Variants in RABL6 observed in about 807,000 individuals in gnomAD.
RABL6 encodes RAB, member RAS oncogene family like 6, also known as rab-like protein 6.
In RABL6, 28 loss-of-function variants were observed where a neutral mutation model predicts 72.9. The observed-to-expected ratio is 0.38, with a 90% CI of 0.28 to 0.53. The LOEUF (loss-of-function observed/expected upper bound fraction) is 0.53, where lower values mean the gene tolerates loss of function less well. Ranked by LOEUF, RABL6 falls within the 20% of genes least tolerant of loss-of-function variation. The pLI is 0.80. For missense variants in RABL6, 1,029 were observed against 1,008.4 expected (o/e 1.02, Z -0.28); for synonymous variants, 477 against 421.2 (o/e 1.13, Z -1.62).
At chr9:136,822,756 G>A (rs1025862501) in intron 1 of RABL6, among the ~76,000 whole-genome samples, 2 of 152,206 alleles carry the variant, frequency 1.3e-5, no homozygotes, top group Non-Finnish European at 2.9e-5. Flanking sequence ...CGCGTTGTGC[G>A]TGAGCTGGGA....
chr9:136,840,197 G>T lies in RABL6; in HGVS notation c.1974G>T (p.Lys658Asn). 6.2e-7 allele frequency: 1 copy of T among 1,612,698 alleles called. No individual in the cohort carries two copies. Among genetic ancestry groups the T allele is most frequent in the Non-Finnish European group, 8.5e-7 (1 of 1,179,760 alleles). ...KTPSKEKKKK[K>N]KKGKEEEEKA... ...CCTCTAAGGAGAAGAAGAAGAAGAAGAAAAAAGGCAAAGAGGTACTGGCTA... is the reference window on the plus strand; with the variant it reads ...CCTCTAAGGAGAAGAAGAAGAAGAATAAAAAAGGCAAAGAGGTACTGGCTA... Residue 658 changes from lysine (K) to asparagine (N), a missense_variant, in exon 14 of 15, where the codon AAG becomes AAT. Transcript: ENST00000311502.
In RABL6 at chr9:136,815,349, A is replaced by G. The variant is rs1189079739; in HGVS notation, c.130+7023A>G. 3 of 269,424 alleles carry G rather than the reference A, an allele frequency of 1.1e-5. No homozygotes were observed. In the Admixed American group the frequency reaches 1.2e-4, roughly 11 times the overall value. 16.7% of individuals were successfully genotyped at this position (269,424 alleles called of 1,614,324 possible). A position where few individuals can be genotyped will look rare whatever the true frequency, so the allele number is the denominator to read the frequency against. On this transcript the variant is annotated intron_variant, in intron 1 of 14. Transcript: ENST00000311502. ...AGCCTTTTTTGTTCGGGAAACTGTC[A>G]CCTTCTTGGCTGGGGTTGCAGCAGC...
chr9:136,825,556 G>A (rs1848337486), intron 2 of RABL6, among the ~76,000 whole-genome samples: 1 of 152,198 alleles, frequency 6.6e-6, no homozygotes, highest in Non-Finnish European at 1.5e-5. Flanking sequence ...TGCGGAGGGA[G>A]ATACCGTGCA....
intron 1 of RABL6, among the ~76,000 whole-genome samples, chr9:136,810,347 C>G (rs117131558): frequency 1.4e-3 from 212 of 152,252 alleles, no homozygotes; most frequent in Non-Finnish European, 2.3e-3. Context: ...AGGAGAAAAG[C>G]CAGTCTCCAG....
intron 6 of RABL6, 127 bp downstream of exon 6, chr9:136,831,988 G>A (rs1022445456): frequency 1.7e-5 from 23 of 1,323,404 alleles, no homozygotes; most frequent in South Asian, 7.5e-5. Flanking sequence ...GGGTCTCGCC[G>A]CTGAGTGGGG....
intron 5 of RABL6, among the ~76,000 whole-genome samples, chr9:136,830,255 G>A (rs1039164081): frequency 1.3e-5 from 2 of 152,218 alleles, no homozygotes; most frequent in African/African-American, 4.8e-5. Flanking sequence ...AGGGTTAAGC[G>A]TACCGCCTGT....
intron 3 of RABL6, chr9:136,827,211 C>G (rs1201494827): frequency 1.3e-5 from 2 of 152,286 alleles, no homozygotes; most frequent in African/African-American, 4.8e-5. Context: ...TCCATCCCCG[C>G]CCTGACTCAG....
chr9:136,828,605 G>T, intron 4 of RABL6, 59 bp downstream of exon 4: 1 of 1,562,318 alleles, frequency 6.4e-7, no homozygotes, highest in Non-Finnish European at 8.8e-7. Context: ...GCGTGAGCCG[G>T]TGCCCAGCGC....
chr9:136,823,745 G>A, intron 2 of RABL6, 86 bp downstream of exon 2: 1 of 1,451,170 alleles, frequency 6.9e-7, no homozygotes, highest in Non-Finnish European at 9.2e-7. Flanking sequence ...TTCCCCAGAG[G>A]GGGTCTCCCC....
At position 136,835,805 on chromosome 9, in the gene RABL6, C is replaced by G. The variant is rs772684991; in HGVS notation, c.769C>G (p.Leu257Val). The G allele has an allele frequency of 3.3e-5, 52 of 1,555,150 alleles. No individual in the cohort carries two copies. Among genetic ancestry groups the G allele is most frequent in the Non-Finnish European group, 4.3e-5 (49 of 1,150,636 alleles). The part of the protein sequence containing the change: ...QLDMDATLEE[L>V]SVQQETEDQN... ...GGACATGGACGCCACGCTGGAGGAG[C>G]TGTCGGTGCAGCAGGAGACGGAGGA... The change falls in exon 8 of 15, where the codon CTG (leucine) becomes GTG (valine). Residue 257 changes from leucine to valine, a missense_variant. Physicochemically the swap from Leu to Val is conservative, Grantham distance 32. Around this residue, in one of 2 missense-constraint regions of RABL6, gnomAD observed 434 missense variants for 536.1 expected, o/e 0.81. Coordinates refer to ENST00000311502, the MANE Select transcript of RABL6 (RefSeq NM_024718.5).
At position 136,840,923 on chromosome 9, in the gene RABL6, G is replaced by C; in HGVS notation, c.*401G>C. 2 of 1,479,886 alleles carry C rather than the reference G, an allele frequency of 1.4e-6. No individual in the cohort carries two copies. Among genetic ancestry groups the C allele is most frequent in the Non-Finnish European group, 1.8e-6 (2 of 1,110,830 alleles). The allele number at this position is 1,479,886 out of a possible 1,614,324, so 91.7% of individuals were successfully genotyped here. ...ACCTGCTTGCCCTCCGCGCTCATCT[G>C]GGGCCGCAGCATGCCTATGGTTCCG... On this transcript the variant is annotated 3_prime_UTR_variant, in exon 15 of 15. Coordinates refer to ENST00000311502, the MANE Select transcript of RABL6 (RefSeq NM_024718.5).
At chr9:136,825,867 G>A (rs772130905) in intron 3 of RABL6, 41 bp downstream of exon 3, 8 of 1,584,406 alleles carry the variant, frequency 5.0e-6, no homozygotes, top group East Asian at 4.5e-5. Flanking sequence ...CTCTGGGACT[G>A]TGTGCTCTGC....
chr9:136,832,784 C>T (rs1037229693), intron 7 of RABL6: 20 of 328,888 alleles, frequency 6.1e-5, no homozygotes, highest in Admixed American at 4.4e-4. Context: ...CGTGAGTCAC[C>T]GAGGTACTCG....
chr9:136,840,146 C>A lies in RABL6; in HGVS notation c.1931-8C>A. 1 of 1,612,874 alleles carries A rather than the reference C, an allele frequency of 6.2e-7. No individual in the cohort carries two copies. The highest frequency in any genetic ancestry group is 1.1e-5 in the South Asian group (1 of 91,068). The stretch of plus-strand genomic sequence containing the variant: ...GAGTTTGAGCCACTGTCTGTCCTGT[C>A]TGTGCAGGTAAGGAGGGCAAAACCC... On this transcript the variant is annotated splice_region_variant and splice_polypyrimidine_tract_variant and intron_variant, in intron 13 of 14. Transcript: ENST00000311502.
intron 7 of RABL6, chr9:136,834,372 A>G: frequency 3.0e-6 from 3 of 993,332 alleles, no homozygotes; most frequent in Non-Finnish European, 2.4e-6. Flanking sequence ...GTCAGTATTC[A>G]GAGTAGGATC....
At chr9:136,809,700 C>T (rs1678250159) in intron 1 of RABL6, 1 of 153,712 alleles carries the variant, frequency 6.5e-6, no homozygotes, top group South Asian at 2.0e-4. Context: ...CATACGACGA[C>T]AAAGAAGATT....
chr9:136,820,085 G>A (rs1848206428), intron 1 of RABL6, among the ~76,000 whole-genome samples: 1 of 151,488 alleles, frequency 6.6e-6, no homozygotes, highest in South Asian at 2.1e-4. Flanking sequence ...TGTAGTCCCA[G>A]CTACTTGGGA....
chr9:136,831,610 T>C, intron 5 of RABL6, 111 bp from the exon 6 acceptor site: 2 of 1,482,956 alleles, frequency 1.3e-6, no homozygotes, highest in Non-Finnish European at 1.8e-6. Context: ...GGTTGGATGT[T>C]GGAAATGAGA....
intron 6 of RABL6, 88 bp from the exon 7 acceptor site, chr9:136,832,177 T>A: frequency 8.1e-7 from 1 of 1,228,294 alleles, no homozygotes; most frequent in Non-Finnish European, 1.2e-6. Flanking sequence ...GGGAGGGCAG[T>A]GCGGACCCAC....
Sources: gnomAD v4.1 joint callset for allele counts (sites outside exome capture counted in the v4.1 genomes callset) on GRCh38, gnomAD v4.1.1 for gene constraint, gnomAD v4.1.1 regional missense constraint, MANE v1.5 for transcripts, NCBI Gene and HGNC (gene_info 2026-07-23, HGNC 2026-07-21) for gene names.